VPS50: variants seen among roughly 807,000 people sequenced by gnomAD.
VPS50 encodes syndetin.
A neutral mutation model predicts 139.7 loss-of-function variants in VPS50; 70 were observed. The ratio of observed to expected loss-of-function variants is 0.50; its 90% CI spans 0.41 to 0.61. VPS50 has a LOEUF of 0.61. Among genes scored for constraint, VPS50 ranks in the 20% least tolerant of loss-of-function variants. The pLI is 0.00. For synonymous variants in VPS50, 365 were observed against 376.7 expected (o/e 0.97, Z 0.36); for missense variants, 921 against 1,133.7 (o/e 0.81, Z 2.69).
intron 27 of VPS50, among the ~76,000 whole-genome samples, chr7:93,356,987 G>A (rs1045859819): frequency 1.4e-4 from 21 of 152,024 alleles, no homozygotes; most frequent in Non-Finnish European, 2.2e-4. Flanking sequence ...ACTCAGTTTC[G>A]GATCTTTAGA....
At chr7:93,280,337 TA>T (rs1184002340) in intron 12 of VPS50, among the ~76,000 whole-genome samples, 1 of 152,056 alleles carries the variant, frequency 6.6e-6, no homozygotes, top group Admixed American at 6.6e-5. Context: ...GTTCTTTTTT[TA>T]AAAAAAGTAG....
Position 93,303,518 on chromosome 7 carries a change from G to A in VPS50, c.1420G>A (p.Val474Ile), listed in dbSNP as rs1411044562. The A allele has an allele frequency of 6.4e-7, 1 of 1,571,926 alleles. No individual in the cohort carries two copies. The change falls in exon 17 of 28, where the codon GTT becomes ATT. Residue 474 changes from valine (V) to isoleucine (I), a missense_variant. By Grantham distance (29) the Val-to-Ile change is conservative. Coordinates refer to ENST00000305866, the MANE Select transcript of VPS50 (RefSeq NM_017667.4). ...GAATGAGACTTGGGAACTTTGTCCT[G>A]TTAAGTCAAATTTCAGCATCTTGCA... ...LENETWELCP[V>I]KSNFSILQLH...
At chr7:93,288,437 A>G (rs758637391) in intron 12 of VPS50, among the ~76,000 whole-genome samples, 10 of 152,190 alleles carry the variant, frequency 6.6e-5, no homozygotes, top group Non-Finnish European at 1.3e-4. Context: ...CCTTTAATAA[A>G]TAACATGGTG....
intron 9 of VPS50, among the ~76,000 whole-genome samples, chr7:93,262,299 CTG>C (rs1795710248): frequency 1.3e-5 from 2 of 152,126 alleles, no homozygotes; most frequent in African/African-American, 4.8e-5. Flanking sequence ...TGAGTGTTAA[CTG>C]TAAAAAATGT....
At chr7:93,353,894 G>T in intron 26 of VPS50, 133 bp downstream of exon 26, 4 of 709,040 alleles carry the variant, frequency 5.6e-6, no homozygotes, top group Non-Finnish European at 9.0e-6. Context: ...GATATAATTA[G>T]AGAAGAAACC....
intron 21 of VPS50, 171 bp from the exon 22 acceptor site, chr7:93,333,946 C>G: frequency 1.8e-6 from 1 of 561,002 alleles, no homozygotes; most frequent in Non-Finnish European, 3.1e-6. Flanking sequence ...CTTTGGTTCC[C>G]TTGAGATTTG....
chr7:93,232,878 G>T (rs1220681396), intron 1 of VPS50, among the ~76,000 whole-genome samples: 1 of 152,190 alleles, frequency 6.6e-6, no homozygotes, highest in African/African-American at 2.4e-5. Context: ...GGTCTGTGCA[G>T]TAGAGGTGAC....
chr7:93,324,549 G>A (rs1418039094), intron 21 of VPS50, among the ~76,000 whole-genome samples: 2 of 152,086 alleles, frequency 1.3e-5, no homozygotes, highest in Non-Finnish European at 2.9e-5. Flanking sequence ...AGATAATCGT[G>A]GTTTTTGTCT....
At chr7:93,305,380 C>T (rs1285123718) in intron 17 of VPS50, among the ~76,000 whole-genome samples, 2 of 151,916 alleles carry the variant, frequency 1.3e-5, no homozygotes, top group African/African-American at 4.8e-5. Context: ...CAGATATGTA[C>T]TTCATACTTT....
chr7:93,334,084 T>A, intron 21 of VPS50, 33 bp from the exon 22 acceptor site: 3 of 1,178,902 alleles, frequency 2.5e-6, no homozygotes, highest in Non-Finnish European at 3.8e-6. Flanking sequence ...AGATGATCTT[T>A]AGAACGATAT....
At chr7:93,241,542 G>A (rs2116780961) in intron 2 of VPS50, among the ~76,000 whole-genome samples, 1 of 152,198 alleles carries the variant, frequency 6.6e-6, no homozygotes, top group Middle Eastern at 3.4e-3. Context: ...ATCCCTACAA[G>A]CTTCATCTGC....
chr7:93,303,816 A>G (rs1412303499), intron 17 of VPS50, among the ~76,000 whole-genome samples: 2 of 150,604 alleles, frequency 1.3e-5, no homozygotes, highest in Non-Finnish European at 3.0e-5. Context: ...AGTTAAAATG[A>G]TATTTTTTGT....
At chr7:93,240,820 T>C (rs1264541817) in intron 2 of VPS50, among the ~76,000 whole-genome samples, 1 of 152,188 alleles carries the variant, frequency 6.6e-6, no homozygotes, top group African/African-American at 2.4e-5. Flanking sequence ...CTCTTTCAGG[T>C]GCCTTACCTG....
At chr7:93,234,418 A>G (rs1794737513) in intron 1 of VPS50, among the ~76,000 whole-genome samples, 1 of 152,226 alleles carries the variant, frequency 6.6e-6, no homozygotes, top group Non-Finnish European at 1.5e-5. Flanking sequence ...ACATTAAAGA[A>G]CACATACAAA....
At chr7:93,240,217 G>GCACACACACACA (rs371902647) in intron 2 of VPS50, among the ~76,000 whole-genome samples, 379 of 142,356 alleles carry the variant, frequency 2.7e-3, no homozygotes, top group African/African-American at 8.3e-3. Flanking sequence ...ATATGTGTAT[G>GCACACACACACA]CACACACACA....
At chr7:93,246,256 G>C in intron 2 of VPS50, 1 of 668,388 alleles carries the variant, frequency 1.5e-6, no homozygotes, top group Admixed American at 2.6e-5. Context: ...AATCATGCTT[G>C]TAAAATTTCT....
intron 21 of VPS50, among the ~76,000 whole-genome samples, chr7:93,330,002 G>T (rs1453500911): frequency 6.6e-6 from 1 of 152,134 alleles, no homozygotes; most frequent in Non-Finnish European, 1.5e-5. Flanking sequence ...AAATTCAAAA[G>T]ATAATTTTTT....
intron 12 of VPS50, among the ~76,000 whole-genome samples, chr7:93,284,010 C>T (rs1240749020): frequency 2.0e-5 from 3 of 152,100 alleles, no homozygotes; most frequent in African/African-American, 7.2e-5. Context: ...AGGGGTGTTC[C>T]AGGTCTGGCA....
chr7:93,330,349 A>C (rs1404654038), intron 21 of VPS50, among the ~76,000 whole-genome samples: 2 of 152,218 alleles, frequency 1.3e-5, no homozygotes, highest in African/African-American at 4.8e-5. Context: ...AGTAGGTGCA[A>C]ACTCAACTAA....
Sources: allele counts gnomAD v4.1 joint callset (sites outside exome capture counted in the v4.1 genomes callset), GRCh38; gene constraint gnomAD v4.1.1; transcripts MANE v1.5; gene names NCBI Gene and HGNC (gene_info 2026-07-23, HGNC 2026-07-21).